TSNAX: variants seen among roughly 807,000 people sequenced by gnomAD.
TSNAX encodes translin-associated protein X.
A neutral mutation model predicts 33.0 loss-of-function variants in TSNAX; 12 were observed. That is an observed-to-expected ratio of 0.36 (90% CI 0.23 to 0.59). The LOEUF is 0.59. TSNAX is among the 20% of genes least tolerant of loss of function. The probability of loss-of-function intolerance (pLI) is 0.74; values close to 1 mark genes in which losing one functional copy is unlikely to be tolerated. For synonymous variants in TSNAX, 110 were observed against 117.2 expected (o/e 0.94, Z 0.40); for missense variants, 267 against 341.3 (o/e 0.78, Z 1.72).
At chr1:231,542,321 C>T (rs752905650) in intron 3 of TSNAX, 160 bp from the exon 4 acceptor site, 2 of 665,070 alleles carry the variant, frequency 3.0e-6, no homozygotes, top group Non-Finnish European at 4.7e-6. Context: ...GTGTTAATAA[C>T]ATTTTCATGT....
rs780503449 is a variant in TSNAX, at chr1:231,528,760, C to T, written c.-51C>T. 1.2e-5 allele frequency: 20 copies of T among 1,613,294 alleles called. No individual in the cohort carries two copies. The highest frequency in any genetic ancestry group is 1.6e-5 in the Non-Finnish European group (19 of 1,179,580). On this transcript the variant is annotated 5_prime_UTR_variant, in exon 1 of 6. Coordinates refer to ENST00000366639, the MANE Select transcript of TSNAX (RefSeq NM_005999.3). Reference sequence around the variant, plus strand: ...CTCGGCCTGTACCTCGCGCACTCCTCTTGCTCCAGGTCCTTCAGTCTCCGC... The same window carrying T: ...CTCGGCCTGTACCTCGCGCACTCCTTTTGCTCCAGGTCCTTCAGTCTCCGC...
intron 4 of TSNAX, among the ~76,000 whole-genome samples, chr1:231,555,803 C>T (rs1426053556): frequency 6.6e-6 from 1 of 152,054 alleles, no homozygotes; most frequent in Non-Finnish European, 1.5e-5. Context: ...TCCTGTTTTC[C>T]TAGGTCCTCT....
At chr1:231,558,802 ACAT>A (rs1263400715) in intron 4 of TSNAX, among the ~76,000 whole-genome samples, 1 of 152,132 alleles carries the variant, frequency 6.6e-6, no homozygotes, top group East Asian at 1.9e-4. Context: ...AATATAAATG[ACAT>A]CATCTGTTTT....
At chr1:231,542,371 A>T in intron 3 of TSNAX, 110 bp from the exon 4 acceptor site, 1 of 1,094,862 alleles carries the variant, frequency 9.1e-7, no homozygotes, top group African/African-American at 1.6e-5. Context: ...TTTGAGTTAG[A>T]AGTATATGAA....
intron 2 of TSNAX, among the ~76,000 whole-genome samples, chr1:231,533,130 A>T (rs1228288859): frequency 1.3e-5 from 2 of 148,630 alleles, no homozygotes; most frequent in Non-Finnish European, 3.0e-5. Context: ...GCAGTGGTGC[A>T]GTCTCAGCTC....
In TSNAX at chr1:231,565,037, T is replaced by G. The variant is rs1471150216; in HGVS notation, c.*132T>G. ...CATATTCAGTTGTACTTGTTTTAAA[T>G]TGTATACAAGCTGTACATAAAATTA... On this transcript the variant is annotated 3_prime_UTR_variant, in exon 6 of 6. Coordinates refer to ENST00000366639, the MANE Select transcript of TSNAX (RefSeq NM_005999.3). The G allele has an allele frequency of 4.4e-6, 5 of 1,134,686 alleles. No homozygotes were observed. The highest frequency in any genetic ancestry group is 6.1e-6 in the Non-Finnish European group (5 of 819,422). The allele number at this position is 1,134,686 out of a possible 1,614,324, so 70.3% of individuals were successfully genotyped here. A position where few individuals can be genotyped will look rare whatever the true frequency, so the allele number is the denominator to read the frequency against.
intron 4 of TSNAX, 125 bp from the exon 5 acceptor site, chr1:231,561,003 C>T (rs1193407044): frequency 1.7e-5 from 15 of 888,216 alleles, no homozygotes; most frequent in Non-Finnish European, 1.7e-5. Context: ...CTAGTACTGG[C>T]ATTGTAGTAG....
intron 4 of TSNAX, among the ~76,000 whole-genome samples, chr1:231,549,220 C>T (rs1483554668): frequency 6.6e-6 from 1 of 152,034 alleles, no homozygotes; most frequent in East Asian, 1.9e-4. Flanking sequence ...CTGAGGTGGG[C>T]GGATCACAAG....
chr1:231,540,410 G>A (rs191352476), intron 3 of TSNAX, among the ~76,000 whole-genome samples: 1 of 152,130 alleles, frequency 6.6e-6, no homozygotes, highest in African/African-American at 2.4e-5. Flanking sequence ...TTTGACCCAA[G>A]AATAATTTAA....
intron 5 of TSNAX, among the ~76,000 whole-genome samples, chr1:231,562,963 C>T (rs999435642): frequency 2.6e-5 from 4 of 152,142 alleles, no homozygotes; most frequent in African/African-American, 7.2e-5. Context: ...TGATGTTTCT[C>T]GGACCTCATT....
At chr1:231,540,108 A>C (rs1428629766) in intron 3 of TSNAX, among the ~76,000 whole-genome samples, 2 of 137,588 alleles carry the variant, frequency 1.5e-5, no homozygotes, top group African/African-American at 5.3e-5. Flanking sequence ...CAGGAAGCGG[A>C]GGTTGCTTGA....
At chr1:231,536,829 C>CTT (rs774896185) in intron 2 of TSNAX, 5 of 146,790 alleles carry the variant, frequency 3.4e-5, no homozygotes, top group Non-Finnish European at 7.5e-5. Context: ...ATTGTGACAT[C>CTT]TTTTTTTTTT....
intron 4 of TSNAX, among the ~76,000 whole-genome samples, chr1:231,546,726 T>C (rs1200671930): frequency 6.6e-6 from 1 of 152,228 alleles, no homozygotes; most frequent in East Asian, 1.9e-4. Context: ...CTTTCTCTCT[T>C]GAAGACCAGG....
chr1:231,560,987 T>C, intron 4 of TSNAX, 141 bp from the exon 5 acceptor site: 1 of 763,650 alleles, frequency 1.3e-6, no homozygotes. Context: ...ATTCTAAGTG[T>C]CTAGTCTAGT....
intron 4 of TSNAX, among the ~76,000 whole-genome samples, chr1:231,549,069 T>C (rs1660126928): frequency 6.6e-6 from 1 of 152,042 alleles, no homozygotes; most frequent in African/African-American, 2.4e-5. Flanking sequence ...ATTGAGAAAA[T>C]TCTTGCTCAG....
At chr1:231,554,311 T>A (rs1230994936) in intron 4 of TSNAX, among the ~76,000 whole-genome samples, 1 of 152,184 alleles carries the variant, frequency 6.6e-6, no homozygotes, top group African/African-American at 2.4e-5. Flanking sequence ...TAAAATATTT[T>A]TTTTGTTGAG....
At chr1:231,537,184 A>G in intron 2 of TSNAX, 29 bp from the exon 3 acceptor site, 1 of 1,503,782 alleles carries the variant, frequency 6.6e-7, no homozygotes, top group African/African-American at 1.4e-5. Flanking sequence ...TATAGAATAT[A>G]CATGCTTATG....
At chr1:231,529,210 T>G (rs777123563) in intron 1 of TSNAX, 45 bp from the exon 2 acceptor site, 6 of 1,597,380 alleles carry the variant, frequency 3.8e-6, no homozygotes, top group Non-Finnish European at 3.4e-6. Context: ...TTTTGCAAAC[T>G]CTTGGTGATG....
chr1:231,549,414 C>T (rs1039161394), intron 4 of TSNAX, among the ~76,000 whole-genome samples: 2 of 152,072 alleles, frequency 1.3e-5, no homozygotes, highest in Admixed American at 6.6e-5. Context: ...AGTGAGACTC[C>T]GTCCCCGCCC....
Sources: gnomAD v4.1 joint callset for allele counts (sites outside exome capture counted in the v4.1 genomes callset) on GRCh38, gnomAD v4.1.1 for gene constraint, MANE v1.5 for transcripts, NCBI Gene and HGNC (gene_info 2026-07-23, HGNC 2026-07-21) for gene names.